GPR180: variants seen among roughly 807,000 people sequenced by gnomAD.
GPR180 encodes G protein-coupled receptor 180.
A neutral mutation model predicts 52.6 loss-of-function variants in GPR180; 53 were observed. That is an observed-to-expected ratio of 1.01 (90% CI 0.81 to 1.27). The LOEUF is 1.27. Among genes scored for constraint, GPR180 ranks in the 50% most tolerant of loss-of-function variants. The probability of loss-of-function intolerance (pLI) is 0.00; values close to 1 mark genes in which losing one functional copy is unlikely to be tolerated. For synonymous variants in GPR180, 200 were observed against 193.1 expected, an observed-to-expected ratio of 1.04 and a Z score of -0.30; for missense variants, 533 against 527.0, an observed-to-expected ratio of 1.01 and a Z score of -0.11.
intron 5 of GPR180, among the ~76,000 whole-genome samples, chr13:94,620,027 A>G (rs1244772181): frequency 1.3e-5 from 2 of 152,246 alleles, no homozygotes; most frequent in East Asian, 1.9e-4. Context: ...CTGCCTTTTC[A>G]TTGTTTTTAG....
intron 7 of GPR180, among the ~76,000 whole-genome samples, chr13:94,624,828 C>T (rs140175050): frequency 0.021 from 3,121 of 152,118 alleles, 63 homozygotes; most frequent in Middle Eastern, 0.034. Context: ...AGGCGTGAGC[C>T]ACCGCACCCA....
intron 2 of GPR180, among the ~76,000 whole-genome samples, chr13:94,608,721 T>G (rs182362041): frequency 6.6e-6 from 1 of 152,178 alleles, no homozygotes; most frequent in East Asian, 1.9e-4. Flanking sequence ...AGTGCTTTTC[T>G]TAGCTATTAA....
At chr13:94,608,035 T>G (rs1414164737) in intron 2 of GPR180, among the ~76,000 whole-genome samples, 1 of 152,236 alleles carries the variant, frequency 6.6e-6, no homozygotes, top group African/African-American at 2.4e-5. Context: ...AATATTGATT[T>G]GTTCTCTTGT....
intron 7 of GPR180, among the ~76,000 whole-genome samples, chr13:94,624,186 A>G (rs1352460065): frequency 6.6e-6 from 1 of 152,168 alleles, no homozygotes; most frequent in African/African-American, 2.4e-5. Context: ...GAGCAGTAAC[A>G]TTATAGAACC....
At chr13:94,612,042 A>G (rs1260226039) in intron 2 of GPR180, 148 bp from the exon 3 acceptor site, 1 of 615,312 alleles carries the variant, frequency 1.6e-6, no homozygotes, top group African/African-American at 1.9e-5. Flanking sequence ...CTGGTTTACA[A>G]GACTTATTCC....
At chr13:94,610,928 T>C (rs1180847883) in intron 2 of GPR180, among the ~76,000 whole-genome samples, 1 of 152,180 alleles carries the variant, frequency 6.6e-6, no homozygotes, top group African/African-American at 2.4e-5. Flanking sequence ...ATAACTACCT[T>C]GTTTTAAAGA....
chr13:94,603,163 A>G (rs529266728), intron 1 of GPR180, among the ~76,000 whole-genome samples: 5 of 152,120 alleles, frequency 3.3e-5, no homozygotes, highest in Admixed American at 3.3e-4. Flanking sequence ...AATGTGGAAT[A>G]TATTTTGGGT....
chr13:94,621,199 A>G lies in GPR180; in HGVS notation c.858A>G (p.Ala286=). 6.2e-7 allele frequency: 1 copy of G among 1,608,634 alleles called. No individual in the cohort carries two copies. The highest frequency in any genetic ancestry group is 8.5e-7 in the Non-Finnish European group (1 of 1,178,946). Reference sequence around the variant, plus strand: ...CTCTCCAGTGGGATTCTACGCCTGCATCCACTGGCATTGCAGTATTCATTG... The same window carrying G: ...CTCTCCAGTGGGATTCTACGCCTGCGTCCACTGGCATTGCAGTATTCATTG... The part of the protein sequence containing the change: ...SRPLQWDSTP[A]STGIAVFIVM... Residue 286 remains alanine, a synonymous_variant, in exon 6 of 9, where the codon GCA becomes GCG. Transcript: ENST00000376958.
chr13:94,624,759 C>G lies in GPR180; in HGVS notation c.1087-1207C>G, dbSNP rs142762594. Among the ~76,000 whole-genome samples the G allele has an allele frequency of 8.3e-3, 1,260 of 152,236 alleles. 17 individuals carry two copies. The highest frequency in any genetic ancestry group is 0.023 in the African/African-American group (968 of 41,562). Reference sequence around the variant, plus strand: ...GGGTTTCACCGTGTTAGCCAGGATGCTCTCGACCTCCTGACCTTGTGATAT... The same window carrying G: ...GGGTTTCACCGTGTTAGCCAGGATGGTCTCGACCTCCTGACCTTGTGATAT... On this transcript the variant is annotated intron_variant, in intron 7 of 8. Coordinates refer to ENST00000376958, the MANE Select transcript of GPR180 (RefSeq NM_180989.6).
intron 2 of GPR180, among the ~76,000 whole-genome samples, chr13:94,609,090 G>A (rs1296198337): frequency 6.6e-6 from 1 of 152,100 alleles, no homozygotes; most frequent in African/African-American, 2.4e-5. Context: ...AGAGCTAAAT[G>A]TAATATTGTA....
At position 94,629,132 on chromosome 13, in the gene GPR180, T is replaced by A. The variant is rs1306486109; in HGVS notation, c.*1961T>A. ...TGTTAATAAATGTATAAAACTGTTC[T>A]TGACTAGTAATCAGGGACAAAATTT... On this transcript the variant is annotated 3_prime_UTR_variant, in exon 9 of 9. Transcript: ENST00000376958. 1 of 152,150 alleles carries A rather than the reference T, an allele frequency of 6.6e-6. No homozygotes were observed. The highest frequency in any genetic ancestry group is 1.5e-5 in the Non-Finnish European group (1 of 67,972). The allele number at this position is 152,150 out of a possible 1,614,324, so 9.4% of individuals were successfully genotyped here. A position where few individuals can be genotyped will look rare whatever the true frequency, so the allele number is the denominator to read the frequency against.
At chr13:94,608,155 A>G (rs1594471796) in intron 2 of GPR180, among the ~76,000 whole-genome samples, 1 of 152,218 alleles carries the variant, frequency 6.6e-6, no homozygotes, top group Admixed American at 6.5e-5. Context: ...GTGTGGTGCA[A>G]TGGGAAGACC....
chr13:94,609,878 A>G (rs959926588), intron 2 of GPR180, among the ~76,000 whole-genome samples: 1 of 152,110 alleles, frequency 6.6e-6, no homozygotes, highest in Admixed American at 6.6e-5. Flanking sequence ...TCCCAGTTGT[A>G]CAGTCCAAGT....
intron 3 of GPR180, among the ~76,000 whole-genome samples, chr13:94,613,971 C>T (rs888497991): frequency 2.0e-5 from 3 of 151,714 alleles, no homozygotes; most frequent in Admixed American, 6.6e-5. Context: ...CTCTGCCTCC[C>T]GGGTTCAAGC....
chr13:94,605,675 C>G lies in GPR180; in HGVS notation c.304+126C>G, dbSNP rs1889620280. ...TAATCCCACTGTGATGACACTTTGTCTAGTACATTTTAAGCTGAGTTTTAA... is the reference window on the plus strand; with the variant it reads ...TAATCCCACTGTGATGACACTTTGTGTAGTACATTTTAAGCTGAGTTTTAA... On this transcript the variant is annotated intron_variant, in intron 2 of 8. Coordinates refer to ENST00000376958, the MANE Select transcript of GPR180 (RefSeq NM_180989.6). 4.1e-6 allele frequency: 3 copies of G among 725,698 alleles called. No homozygotes were observed. The South Asian group carries it at 7.9e-5, about 19-fold the overall frequency. The allele number at this position is 725,698 out of a possible 1,614,324, so 45.0% of individuals were successfully genotyped here. A position where few individuals can be genotyped will look rare whatever the true frequency, so the allele number is the denominator to read the frequency against.
At chr13:94,626,940 G>A in intron 8 of GPR180, 73 bp from the exon 9 acceptor site, 1 of 1,124,424 alleles carries the variant, frequency 8.9e-7, no homozygotes, top group Non-Finnish European at 1.3e-6. Flanking sequence ...AGCATATATA[G>A]ATTCATAATA....
At position 94,630,039 on chromosome 13, in the gene GPR180, T is replaced by A. The variant is rs1195220000; in HGVS notation, c.*2868T>A. ...GTATCAAATCATTGAGGTTGTTTTT[T>A]GTTTGTTTTGAGAATTGATATGATT... On this transcript the variant is annotated 3_prime_UTR_variant, in exon 9 of 9. Transcript: ENST00000376958. 1 of 152,254 alleles carries A rather than the reference T, an allele frequency of 6.6e-6. No individual in the cohort carries two copies. The highest frequency in any genetic ancestry group is 1.5e-5 in the Non-Finnish European group (1 of 68,040). 9.4% of individuals were successfully genotyped at this position (152,254 alleles called of 1,614,324 possible).
rs188417202 is a variant in GPR180, at chr13:94,617,429, C to T, written c.506-1721C>T. On this transcript the variant is annotated intron_variant, in intron 3 of 8. Coordinates refer to ENST00000376958, the MANE Select transcript of GPR180 (RefSeq NM_180989.6). ...TATAATAATCCCAGGATTATGTTGC[C>T]ATTATTTCTAAGGCTGGAATGCTTT... Among the ~76,000 whole-genome samples, 11 of 152,130 alleles carry T rather than the reference C, an allele frequency of 7.2e-5. No individual in the cohort carries two copies. In the East Asian group the frequency reaches 1.9e-3, roughly 27 times the overall value.
rs1389021442 is a variant in GPR180 at position 94,628,997 on chromosome 13, C to A, written c.*1826C>A. On this transcript the variant is annotated 3_prime_UTR_variant, in exon 9 of 9. Coordinates refer to ENST00000376958, the MANE Select transcript of GPR180 (RefSeq NM_180989.6). ...TATATGAAATTTATTACTCTGCTTG[C>A]ATTTATGAAACTAACCAGTTTTTTA... is the stretch of plus-strand genomic sequence containing the variant. The A allele has an allele frequency of 6.6e-6, 1 of 152,058 alleles. No individual in the cohort carries two copies. Among genetic ancestry groups the A allele is most frequent in the African/African-American group, 2.4e-5 (1 of 41,436 alleles). 9.4% of individuals were successfully genotyped at this position (152,058 alleles called of 1,614,324 possible). A position where few individuals can be genotyped will look rare whatever the true frequency, so the allele number is the denominator to read the frequency against.
Sources: allele counts gnomAD v4.1 joint callset (sites outside exome capture counted in the v4.1 genomes callset), GRCh38; gene constraint gnomAD v4.1.1; transcripts MANE v1.5; gene names NCBI Gene and HGNC (gene_info 2026-07-23, HGNC 2026-07-21).